The following TRIM2 variants were observed in gnomAD, a reference collection of about 807,000 sequenced individuals.
TRIM2 encodes the protein tripartite motif-containing protein 2.
In TRIM2, 20 loss-of-function variants were observed where a neutral mutation model predicts 75.2. The ratio of observed to expected loss-of-function variants is 0.27; its 90% CI spans 0.19 to 0.39. The LOEUF (loss-of-function observed/expected upper bound fraction) is 0.39. Among genes scored for constraint, TRIM2 ranks in the 10% least tolerant of loss-of-function variants. The probability of loss-of-function intolerance (pLI) is 1.00; values close to 1 mark genes in which losing one functional copy is unlikely to be tolerated. For missense variants in TRIM2, 660 were observed against 990.8 expected, an observed-to-expected ratio of 0.67 and a Z score of 4.48; for synonymous variants, 373 against 388.3, an observed-to-expected ratio of 0.96 and a Z score of 0.46.
At chr4:153,163,532 T>C (rs1213446432) in intron 1 of TRIM2, among the ~76,000 whole-genome samples, 4 of 145,374 alleles carry the variant, frequency 2.8e-5, no homozygotes. Flanking sequence ...GGCAGAGTCT[T>C]GTTCTGTCAC....
chr4:153,313,526 A>G (rs1041959914), intron 6 of TRIM2, among the ~76,000 whole-genome samples: 1 of 152,020 alleles, frequency 6.6e-6, no homozygotes, highest in Non-Finnish European at 1.5e-5. Context: ...ATTCCCAAAC[A>G]GTGCTTAAGC....
At chr4:153,261,863 C>A (rs1165454456) in intron 1 of TRIM2, among the ~76,000 whole-genome samples, 3 of 152,192 alleles carry the variant, frequency 2.0e-5, no homozygotes, top group African/African-American at 7.2e-5. Flanking sequence ...ATTTCAGCTT[C>A]TCCTATCAAG....
chr4:153,261,092 G>A (rs962557202), intron 1 of TRIM2, among the ~76,000 whole-genome samples: 1 of 152,110 alleles, frequency 6.6e-6, no homozygotes, highest in Non-Finnish European at 1.5e-5. Flanking sequence ...TAATTGCTTG[G>A]AAAGCAGATG....
intron 1 of TRIM2, among the ~76,000 whole-genome samples, chr4:153,196,001 G>A (rs1046893361): frequency 1.3e-5 from 2 of 152,144 alleles, no homozygotes; most frequent in Non-Finnish European, 2.9e-5. Flanking sequence ...GTAAAGACGG[G>A]GGTTTGCCAT....
At chr4:153,310,690 G>T (rs1766081839) in intron 6 of TRIM2, among the ~76,000 whole-genome samples, 1 of 151,992 alleles carries the variant, frequency 6.6e-6, no homozygotes, top group South Asian at 2.1e-4. Flanking sequence ...AGGACCGTAA[G>T]AATCAGGAGA....
At chr4:153,214,304 A>G (rs995742556) in intron 1 of TRIM2, among the ~76,000 whole-genome samples, 6 of 152,220 alleles carry the variant, frequency 3.9e-5, no homozygotes, top group African/African-American at 1.2e-4. Flanking sequence ...CCTGGGCAGT[A>G]AAACCTGACC....
At chr4:153,210,290 C>T (rs538225756) in intron 1 of TRIM2, among the ~76,000 whole-genome samples, 2 of 152,174 alleles carry the variant, frequency 1.3e-5, no homozygotes, top group East Asian at 3.9e-4. Context: ...GTCTCAAACT[C>T]CTGACCTCAG....
chr4:153,321,608 T>C (rs777090142), intron 8 of TRIM2, among the ~76,000 whole-genome samples: 2 of 152,232 alleles, frequency 1.3e-5, no homozygotes, highest in South Asian at 2.1e-4. Context: ...AATTAATGTA[T>C]CCAATAGATA....
At chr4:153,207,490 T>G (rs1037291665) in intron 1 of TRIM2, among the ~76,000 whole-genome samples, 7 of 152,366 alleles carry the variant, frequency 4.6e-5, no homozygotes, top group Middle Eastern at 3.4e-3. Context: ...GACAATCTGT[T>G]TCACTGGATG....
At chr4:153,304,102 CT>C (rs1289151640) in intron 6 of TRIM2, among the ~76,000 whole-genome samples, 3 of 151,504 alleles carry the variant, frequency 2.0e-5, no homozygotes, top group East Asian at 1.9e-4. Context: ...CTAGAGATGA[CT>C]TTTTTTTTCT....
chr4:153,211,129 C>T lies in TRIM2; in HGVS notation c.30+6569C>T, dbSNP rs200189897. On this transcript the variant is annotated intron_variant, in intron 1 of 11. Transcript: ENST00000338700. The stretch of plus-strand genomic sequence containing the variant: ...AGCCATGCTCACTAGGAATCCATAG[C>T]GGCCATCTGCACACCGACCTGGTGG... 5.3e-4 allele frequency among the ~76,000 whole-genome samples: 81 copies of T among 152,240 alleles called. 2 individuals are homozygous for T. Among genetic ancestry groups the T allele is most frequent in the East Asian group, 5.2e-3 (27 of 5,182 alleles).
At chr4:153,328,372 A>T (rs917723825) in intron 10 of TRIM2, among the ~76,000 whole-genome samples, 158 bp from the exon 11 acceptor site, 1 of 152,232 alleles carries the variant, frequency 6.6e-6, no homozygotes, top group Non-Finnish European at 1.5e-5. Flanking sequence ...CCACAATGAT[A>T]TGCAGTCTGT....
In TRIM2 at chr4:153,308,373, A is replaced by G. The variant is rs1765493842; in HGVS notation, c.1511-7112A>G. 6 of 1,021,716 alleles carry G rather than the reference A, an allele frequency of 5.9e-6. No homozygotes were observed. In the South Asian group the frequency reaches 7.6e-5, roughly 13 times the overall value. 63.3% of individuals were successfully genotyped at this position (1,021,716 alleles called of 1,614,324 possible). A position where few individuals can be genotyped will look rare whatever the true frequency, so the allele number is the denominator to read the frequency against. On this transcript the variant is annotated intron_variant, in intron 6 of 11. Coordinates refer to ENST00000338700, the MANE Select transcript of TRIM2 (RefSeq NM_015271.5). The stretch of plus-strand genomic sequence containing the variant: ...CTCTTGGTTGGTTCTTGAGCAGATG[A>G]TCTCAATGAGGGAGTCCTTGTTGGT...
chr4:153,277,569 C>T (rs761672750), intron 3 of TRIM2, among the ~76,000 whole-genome samples: 2 of 152,136 alleles, frequency 1.3e-5, no homozygotes, highest in Non-Finnish European at 1.5e-5. Flanking sequence ...TGCCAGACAC[C>T]GTATTTGGCT....
chr4:153,155,929 G>T (rs1729190828), intron 1 of TRIM2, among the ~76,000 whole-genome samples: 1 of 152,252 alleles, frequency 6.6e-6, no homozygotes, highest in Admixed American at 6.5e-5. Context: ...GCCAGGACCT[G>T]CTGGGGTTCA....
At chr4:153,204,316 T>C, upstream of TRIM2, 1 of 582,330 alleles carries the variant, frequency 1.7e-6, no homozygotes, top group Non-Finnish European at 3.1e-6. Context: ...TGAAACACAA[T>C]ATCTTAAGCA....
At chr4:153,196,273 A>C (rs115497630) in intron 1 of TRIM2, among the ~76,000 whole-genome samples, 11,997 of 129,524 alleles carry the variant, frequency 0.093, 719 homozygotes, top group African/African-American at 0.22. Flanking sequence ...ACCCCCCCCC[A>C]CACACACACA....
chr4:153,237,551 G>C (rs1326568575), intron 1 of TRIM2, among the ~76,000 whole-genome samples: 1 of 152,004 alleles, frequency 6.6e-6, no homozygotes, highest in African/African-American at 2.4e-5. Flanking sequence ...GTGGTGGCAG[G>C]CACCTGTAAT....
In TRIM2 at chr4:153,334,982, T is replaced by C. The variant is rs200209220; in HGVS notation, c.*16T>C. On this transcript the variant is annotated 3_prime_UTR_variant, in exon 12 of 12. Transcript: ENST00000338700. ...CTTACAGTAATGGTGGGCAGGTGGA[T>C]ACCCGCTTCCATGGTCTTGCACTAT... 43 of 1,606,512 alleles carry C rather than the reference T, an allele frequency of 2.7e-5. No homozygotes were observed. Among genetic ancestry groups the C allele is most frequent in the East Asian group, 2.5e-4 (11 of 44,750 alleles).
Sources: gnomAD v4.1 joint callset for allele counts (sites outside exome capture counted in the v4.1 genomes callset) on GRCh38, gnomAD v4.1.1 for gene constraint, MANE v1.5 for transcripts, NCBI Gene and HGNC (gene_info 2026-07-23, HGNC 2026-07-21) for gene names.